The following SHQ1 variants were observed in gnomAD, a reference collection of about 807,000 sequenced individuals.
SHQ1 encodes protein SHQ1 homolog.
A neutral mutation model predicts 53.8 loss-of-function variants in SHQ1; 49 were observed. That is an observed-to-expected ratio of 0.91 (90% CI 0.72 to 1.16). SHQ1 has a LOEUF of 1.16. SHQ1 is among the 50% of genes most tolerant of loss of function. The pLI, the probability that SHQ1 is intolerant of heterozygous loss-of-function variation, is 0.00. For missense variants in SHQ1, 738 were observed against 683.1 expected, an observed-to-expected ratio of 1.08 and a Z score of -0.90; for synonymous variants, 243 against 251.0, an observed-to-expected ratio of 0.97 and a Z score of 0.30.
At chr3:72,777,525 C>T (rs530931134) in intron 10 of SHQ1, among the ~76,000 whole-genome samples, 3 of 152,278 alleles carry the variant, frequency 2.0e-5, no homozygotes, top group South Asian at 2.1e-4. Flanking sequence ...ATTGTCAAAT[C>T]GTAAAATCTG....
chr3:72,801,986 C>A (rs1253958162), intron 9 of SHQ1, among the ~76,000 whole-genome samples: 1 of 152,120 alleles, frequency 6.6e-6, no homozygotes, highest in Admixed American at 6.5e-5. Flanking sequence ...GCTGTGCAGC[C>A]CAGAGTTTGC....
chr3:72,762,450 A>G (rs1705631255), intron 10 of SHQ1, among the ~76,000 whole-genome samples: 1 of 152,188 alleles, frequency 6.6e-6, no homozygotes, highest in Non-Finnish European at 1.5e-5. Flanking sequence ...GGGTCTCATA[A>G]ATTTGCCACA....
At chr3:72,751,586 A>G (rs1396963279) in intron 10 of SHQ1, among the ~76,000 whole-genome samples, 1 of 149,906 alleles carries the variant, frequency 6.7e-6, no homozygotes, top group Non-Finnish European at 1.5e-5. Context: ...AATAATGGAT[A>G]TATAACAATC....
intron 10 of SHQ1, among the ~76,000 whole-genome samples, chr3:72,777,816 G>A (rs538491699): frequency 1.3e-5 from 2 of 152,236 alleles, no homozygotes; most frequent in Admixed American, 6.5e-5. Flanking sequence ...TGGTTCCACA[G>A]AATAACAGAC....
chr3:72,734,551 C>T, the SHQ1 span, among the ~76,000 whole-genome samples: 502 of 151,638 alleles, frequency 3.3e-3, 13 homozygotes, highest in African/African-American at 0.012. Context: ...CCACTGAGCC[C>T]GGCCTACAGT....
intron 4 of SHQ1, among the ~76,000 whole-genome samples, chr3:72,832,938 T>A (rs181930640): frequency 6.6e-6 from 1 of 152,318 alleles, no homozygotes; most frequent in South Asian, 2.1e-4. Flanking sequence ...ACCGTACAGA[T>A]TGAATATCCC....
At chr3:72,754,080 A>G (rs554049279) in intron 10 of SHQ1, among the ~76,000 whole-genome samples, 1 of 152,344 alleles carries the variant, frequency 6.6e-6, no homozygotes, top group East Asian at 1.9e-4. Context: ...TACTGACTAT[A>G]TATCTCATTT....
intron 1 of SHQ1, among the ~76,000 whole-genome samples, chr3:72,847,590 CAG>C (rs57330242): frequency 0.037 from 5,616 of 152,208 alleles, 324 homozygotes; most frequent in African/African-American, 0.13. Flanking sequence ...CAAGTGCTGA[CAG>C]ACCCTCACGG....
the SHQ1 span, among the ~76,000 whole-genome samples, chr3:72,742,451 G>A: frequency 1.1e-4 from 17 of 151,872 alleles, no homozygotes; most frequent in African/African-American, 3.9e-4. Context: ...ATGGGAAACA[G>A]GACCTCATGT....
At chr3:72,792,672 C>T (rs1325555822) in intron 10 of SHQ1, among the ~76,000 whole-genome samples, 1 of 151,218 alleles carries the variant, frequency 6.6e-6, no homozygotes, top group Non-Finnish European at 1.5e-5. Context: ...GTAATCCCAG[C>T]TACTCGGGAG....
intron 10 of SHQ1, chr3:72,772,803 G>A (rs911807457): frequency 1.3e-6 from 1 of 765,240 alleles, no homozygotes; most frequent in African/African-American, 1.7e-5. Flanking sequence ...GAGTGCCTTT[G>A]GATGCAACTG....
chr3:72,831,139 G>T (rs1173384307), intron 5 of SHQ1, among the ~76,000 whole-genome samples: 2 of 152,202 alleles, frequency 1.3e-5, no homozygotes, highest in Non-Finnish European at 2.9e-5. Context: ...AGAAATAGCA[G>T]TGTAAATGGA....
chr3:72,744,227 A>T, the SHQ1 span, among the ~76,000 whole-genome samples: 1 of 152,032 alleles, frequency 6.6e-6, no homozygotes, highest in East Asian at 1.9e-4. Flanking sequence ...CTGAATACTC[A>T]CTCCAATAAG....
chr3:72,816,925 G>A (rs1270981637), intron 7 of SHQ1, among the ~76,000 whole-genome samples: 1 of 152,048 alleles, frequency 6.6e-6, no homozygotes, highest in Non-Finnish European at 1.5e-5. Flanking sequence ...GCACTTCTCT[G>A]GCCTAAAAGA....
At chr3:72,776,797 C>T (rs2106749295) in intron 10 of SHQ1, among the ~76,000 whole-genome samples, 1 of 152,224 alleles carries the variant, frequency 6.6e-6, no homozygotes, top group Middle Eastern at 3.4e-3. Context: ...TGGAACTTGA[C>T]AAGCTGATTC....
At position 72,786,361 on chromosome 3, in the gene SHQ1, C is replaced by T. The variant is rs1309683901; in HGVS notation, c.1181+6555G>A. On this transcript the variant is annotated intron_variant, in intron 10 of 10. Coordinates refer to ENST00000325599, the MANE Select transcript of SHQ1 (RefSeq NM_018130.3). ...CATCGCTTAAAACTCTTCAGATGCT[C>T]CATATTCTCCCAGGACAAAGGCCAA... 3.9e-5 allele frequency among the ~76,000 whole-genome samples: 6 copies of T among 152,160 alleles called. No homozygotes were observed. The East Asian group carries it at 1.2e-3, about 29-fold the overall frequency.
chr3:72,838,002 T>C (rs966960956), intron 4 of SHQ1, among the ~76,000 whole-genome samples: 1 of 152,266 alleles, frequency 6.6e-6, no homozygotes, highest in African/African-American at 2.4e-5. Flanking sequence ...AGCACAGTGC[T>C]ATCCAAATCC....
At chr3:72,780,074 A>G (rs1327776024) in intron 10 of SHQ1, among the ~76,000 whole-genome samples, 2 of 152,172 alleles carry the variant, frequency 1.3e-5, no homozygotes, top group African/African-American at 2.4e-5. Context: ...TGCCTCTACT[A>G]TTTAAAAAAT....
At chr3:72,744,930 G>A (rs188118322), downstream of SHQ1, among the ~76,000 whole-genome samples, 2 of 134,694 alleles carry the variant, frequency 1.5e-5, no homozygotes, top group Non-Finnish European at 3.3e-5. Context: ...CATTGGGGGG[G>A]GGGGGTGGTT....
Sources: allele counts gnomAD v4.1 joint callset (sites outside exome capture counted in the v4.1 genomes callset), GRCh38; gene constraint gnomAD v4.1.1; transcripts MANE v1.5; gene names NCBI Gene and HGNC (gene_info 2026-07-23, HGNC 2026-07-21).